NFASC: variants seen among roughly 807,000 people sequenced by gnomAD.
NFASC encodes neurofascin homolog.
Under a neutral mutation model 147.5 loss-of-function variants are expected in NFASC, and 43 were observed. That is an observed-to-expected ratio of 0.29 (90% CI 0.23 to 0.38). NFASC has a LOEUF of 0.38. Among genes scored for constraint, NFASC ranks in the 10% least tolerant of loss-of-function variants. NFASC has a pLI of 1.00. For synonymous variants in NFASC, 622 were observed against 665.5 expected, an observed-to-expected ratio of 0.93 and a Z score of 1.01; for missense variants, 1,320 against 1,689.0, an observed-to-expected ratio of 0.78 and a Z score of 3.83.
intron 1 of NFASC, among the ~76,000 whole-genome samples, chr1:204,866,164 G>T (rs1050763353): frequency 1.3e-5 from 2 of 152,142 alleles, no homozygotes; most frequent in Admixed American, 6.5e-5. Context: ...CAGCAATCAG[G>T]GTCTAGCTCA....
intron 1 of NFASC, among the ~76,000 whole-genome samples, chr1:204,848,804 C>G (rs927789760): frequency 1.3e-5 from 2 of 152,218 alleles, no homozygotes; most frequent in African/African-American, 2.4e-5. Flanking sequence ...CAGGATGTTT[C>G]CCGGTTACAA....
intron 3 of NFASC, among the ~76,000 whole-genome samples, chr1:204,949,419 A>G (rs1259255863): frequency 6.6e-6 from 1 of 152,260 alleles, no homozygotes; most frequent in African/African-American, 2.4e-5. Flanking sequence ...GGCAGCTCGC[A>G]GCTCCCCACA....
intron 8 of NFASC, chr1:204,962,200 T>C: frequency 6.4e-7 from 1 of 1,552,518 alleles, no homozygotes; most frequent in Non-Finnish European, 8.9e-7. Context: ...TTGCCTGTGC[T>C]AACCCCAGTT....
chr1:204,899,302 C>A (rs1407353292), intron 1 of NFASC, among the ~76,000 whole-genome samples: 2 of 152,206 alleles, frequency 1.3e-5, no homozygotes, highest in Non-Finnish European at 2.9e-5. Context: ...GTGGAAACAG[C>A]AACGTCCTCT....
chr1:204,929,083 C>T (rs754369238), intron 2 of NFASC, among the ~76,000 whole-genome samples: 12 of 152,110 alleles, frequency 7.9e-5, no homozygotes, highest in Non-Finnish European at 1.6e-4. Context: ...CAGCCAAATC[C>T]CTAATCCTAA....
chr1:204,944,090 G>A (rs1252023202), intron 2 of NFASC, 136 bp from the exon 3 acceptor site: 1 of 747,542 alleles, frequency 1.3e-6, no homozygotes. Context: ...TAGTGTTGAG[G>A]TTAAGAAACT....
rs748600577 is a variant in NFASC, at chr1:204,970,718, A to G, written c.1106A>G (p.Gln369Arg). ...AATGGAAACCCCAAACCCACTGTCC[A>G]GTGGATGGTGAATGGGGAACCTTTG... ...RANGNPKPTV[Q>R]WMVNGEPLQS... The change falls in exon 11 of 30, where the codon CAG becomes CGG. Residue 369 changes from glutamine (Q) to arginine (R), a missense_variant. Gln to Arg is a conservative substitution (Grantham distance 43). Coordinates refer to ENST00000339876, the MANE Select transcript of NFASC (RefSeq NM_001005388.3). 1 of 1,614,204 alleles carries G rather than the reference A, an allele frequency of 6.2e-7. No individual in the cohort carries two copies. Among genetic ancestry groups the G allele is most frequent in the Non-Finnish European group, 8.5e-7 (1 of 1,180,028 alleles).
intron 1 of NFASC, among the ~76,000 whole-genome samples, chr1:204,832,047 T>C (rs550015053): frequency 1.3e-5 from 2 of 152,254 alleles, no homozygotes; most frequent in African/African-American, 4.8e-5. Context: ...GGGCTGACCC[T>C]GAAGTTGACT....
intron 29 of NFASC, among the ~76,000 whole-genome samples, chr1:205,014,504 G>GAC (rs2096310755): frequency 6.6e-6 from 1 of 152,148 alleles, no homozygotes; most frequent in Non-Finnish European, 1.5e-5. Context: ...TTCCCATGGG[G>GAC]CACCCTCTGT....
chr1:205,004,141 T>A (rs1361737010), intron 27 of NFASC, among the ~76,000 whole-genome samples: 1 of 152,218 alleles, frequency 6.6e-6, no homozygotes, highest in Non-Finnish European at 1.5e-5. Context: ...ATTACATATT[T>A]GAGTCCAGCA....
intron 21 of NFASC, among the ~76,000 whole-genome samples, chr1:204,985,532 GC>G (rs1414761313): frequency 6.6e-6 from 1 of 152,122 alleles, no homozygotes; most frequent in Admixed American, 6.5e-5. Flanking sequence ...AGCTTTCCAT[GC>G]CTGGACCCTT....
chr1:204,949,935 C>T (rs963399103), intron 3 of NFASC, among the ~76,000 whole-genome samples: 1 of 152,240 alleles, frequency 6.6e-6, no homozygotes, highest in African/African-American at 2.4e-5. Context: ...TCTCTGGAGC[C>T]TCCCATTGAG....
At position 204,837,460 on chromosome 1, in the gene NFASC, G is replaced by A. The variant is rs139488771; in HGVS notation, c.-200+8678G>A. On this transcript the variant is annotated intron_variant, in intron 1 of 29. Transcript: ENST00000339876. ...CTGTAGCAAACCTTGGCTTGCTGAGGAGTGAATTTTTTTGGCATTGGTGAG... is the reference window on the plus strand; with the variant it reads ...CTGTAGCAAACCTTGGCTTGCTGAGAAGTGAATTTTTTTGGCATTGGTGAG... Among the ~76,000 whole-genome samples, 562 of 152,308 alleles carry A rather than the reference G, an allele frequency of 3.7e-3. 7 individuals are homozygous for A. Among genetic ancestry groups the A allele is most frequent in the African/African-American group, 0.013 (537 of 41,564 alleles).
At chr1:205,008,600 C>G (rs116451866) in intron 27 of NFASC, 2 of 152,626 alleles carry the variant, frequency 1.3e-5, no homozygotes, top group South Asian at 2.1e-4. Context: ...CCACACCCCC[C>G]CTCCCAAACC....
chr1:204,939,410 C>T (rs1558172560), intron 2 of NFASC, among the ~76,000 whole-genome samples: 2 of 152,200 alleles, frequency 1.3e-5, no homozygotes, highest in Admixed American at 1.3e-4. Context: ...CTTTCTGAAA[C>T]ATCCTCCTAT....
Position 204,975,200 on chromosome 1 carries a change from C to A in NFASC, c.1559-71C>A. On this transcript the variant is annotated intron_variant, in intron 14 of 29. Coordinates refer to ENST00000339876, the MANE Select transcript of NFASC (RefSeq NM_001005388.3). The surrounding 1 kb of genome is among the most constrained non-coding windows in gnomAD (Gnocchi z 4.0). ...CCAAGGCCTCGAGGGCAGACATATG[C>A]CACTTTGTGGCCGCATGGGGATGCT... The A allele has an allele frequency of 6.5e-7, 1 of 1,530,574 alleles. No individual in the cohort carries two copies. Among genetic ancestry groups the A allele is most frequent in the Non-Finnish European group, 8.8e-7 (1 of 1,131,886 alleles). 94.8% of individuals were successfully genotyped at this position (1,530,574 alleles called of 1,614,324 possible).
intron 16 of NFASC, 123 bp from the exon 17 acceptor site, chr1:204,977,558 C>T: frequency 1.3e-6 from 1 of 783,782 alleles, no homozygotes; most frequent in South Asian, 1.9e-5. Flanking sequence ...CGGGGACAGC[C>T]CTGCCTAGAA....
At chr1:204,897,742 T>C (rs2083667665) in intron 1 of NFASC, among the ~76,000 whole-genome samples, 1 of 151,330 alleles carries the variant, frequency 6.6e-6, no homozygotes, top group Admixed American at 6.6e-5. Flanking sequence ...CTCAGCTAAT[T>C]TTTTTTTGGG....
In NFASC at chr1:204,856,010, C is replaced by T. The variant is rs114867244; in HGVS notation, c.-200+27228C>T. On this transcript the variant is annotated intron_variant, in intron 1 of 29. Coordinates refer to ENST00000339876, the MANE Select transcript of NFASC (RefSeq NM_001005388.3). ...AACTATTATCATTATCCCCAGTTCA[C>T]ACAAGAGGAAGCTGAAGCTCAGAGA... Among the ~76,000 whole-genome samples the T allele has an allele frequency of 6.3e-3, 961 of 152,240 alleles. 17 individuals are homozygous for T. The highest frequency in any genetic ancestry group is 0.022 in the African/African-American group (900 of 41,542).
Sources: gnomAD v4.1 joint callset for allele counts (sites outside exome capture counted in the v4.1 genomes callset) on GRCh38, gnomAD v4.1.1 for gene constraint, Gnocchi (gnomAD v3.1) non-coding constraint, MANE v1.5 for transcripts, NCBI Gene and HGNC (gene_info 2026-07-23, HGNC 2026-07-21) for gene names.